PARD3B: variants seen among roughly 807,000 people sequenced by gnomAD.
PARD3B encodes the protein partitioning defective 3 homolog B.
In PARD3B, 103 loss-of-function variants were observed where a neutral mutation model predicts 130.2. The observed-to-expected ratio is 0.79, with a 90% CI of 0.67 to 0.93. PARD3B has a LOEUF of 0.93. Among genes scored for constraint, PARD3B ranks in the 40% least tolerant of loss-of-function variants. The pLI is 0.00. For missense variants in PARD3B, 1,609 were observed against 1,499.2 expected (o/e 1.07, Z -1.21); for synonymous variants, 583 against 553.2 (o/e 1.05, Z -0.76).
At chr2:205,031,622 T>C (rs1697430786) in intron 3 of PARD3B, among the ~76,000 whole-genome samples, 1 of 152,186 alleles carries the variant, frequency 6.6e-6, no homozygotes, top group Non-Finnish European at 1.5e-5. Context: ...GATTATGCTT[T>C]AATTCACTAT....
At chr2:205,400,443 C>G (rs762247086) in intron 18 of PARD3B, among the ~76,000 whole-genome samples, 1 of 152,048 alleles carries the variant, frequency 6.6e-6, no homozygotes, top group Non-Finnish European at 1.5e-5. Context: ...AAGTTCAAGA[C>G]CAGTCTCGCC....
intron 18 of PARD3B, among the ~76,000 whole-genome samples, chr2:205,379,175 G>C (rs181442726): frequency 3.4e-4 from 52 of 152,226 alleles, no homozygotes; most frequent in African/African-American, 1.2e-3. Context: ...GTTCTCAAAG[G>C]CTCCATAATT....
chr2:204,873,676 G>C (rs1374844461), intron 2 of PARD3B, among the ~76,000 whole-genome samples: 2 of 152,200 alleles, frequency 1.3e-5, no homozygotes, highest in Non-Finnish European at 2.9e-5. Context: ...GATGATGTGT[G>C]AGTAGCTAGA....
At chr2:204,730,019 A>G (rs1267255579) in intron 2 of PARD3B, among the ~76,000 whole-genome samples, 1 of 151,380 alleles carries the variant, frequency 6.6e-6, no homozygotes, top group Non-Finnish European at 1.5e-5. Flanking sequence ...ACACACACAC[A>G]CACACACACA....
At chr2:205,203,022 T>C (rs1293659561) in intron 15 of PARD3B, among the ~76,000 whole-genome samples, 2 of 152,156 alleles carry the variant, frequency 1.3e-5, no homozygotes, top group Non-Finnish European at 2.9e-5. Flanking sequence ...TCACTGAGTG[T>C]ATTTTCTCAA....
chr2:205,061,731 C>T (rs1291469002), intron 4 of PARD3B, among the ~76,000 whole-genome samples: 3 of 150,986 alleles, frequency 2.0e-5, no homozygotes, highest in Non-Finnish European at 4.4e-5. Context: ...ATTCCAAAGT[C>T]GAGCATTAAA....
At chr2:205,385,377 A>G (rs2105960227) in intron 18 of PARD3B, among the ~76,000 whole-genome samples, 1 of 152,280 alleles carries the variant, frequency 6.6e-6, no homozygotes, top group Non-Finnish European at 1.5e-5. Context: ...ATCTTAACAA[A>G]AACGTTTTAT....
At chr2:204,621,999 A>G (rs2034319015) in intron 1 of PARD3B, among the ~76,000 whole-genome samples, 1 of 152,100 alleles carries the variant, frequency 6.6e-6, no homozygotes, top group Non-Finnish European at 1.5e-5. Context: ...TAGGTCTAGT[A>G]TTTCTTTCAA....
At chr2:205,126,270 T>G (rs1234225560) in intron 10 of PARD3B, among the ~76,000 whole-genome samples, 1 of 152,110 alleles carries the variant, frequency 6.6e-6, no homozygotes, top group African/African-American at 2.4e-5. Flanking sequence ...ATGTATACCC[T>G]TAGACCTAGT....
intron 2 of PARD3B, among the ~76,000 whole-genome samples, chr2:204,785,950 T>A (rs2058987): frequency 6.6e-6 from 1 of 151,526 alleles, no homozygotes. Flanking sequence ...CCATCTCTAC[T>A]AAAAATACAA....
intron 21 of PARD3B, among the ~76,000 whole-genome samples, chr2:205,541,693 G>T (rs111517149): frequency 2.0e-4 from 30 of 150,934 alleles, no homozygotes; most frequent in African/African-American, 7.3e-4. Flanking sequence ...TTTTCCCTTC[G>T]TGGCAATGAG....
chr2:205,184,873 G>A (rs2036004865), intron 13 of PARD3B, among the ~76,000 whole-genome samples: 1 of 152,084 alleles, frequency 6.6e-6, no homozygotes, highest in East Asian at 1.9e-4. Context: ...CTGAGGCTTG[G>A]AGAAGTTGAG....
At chr2:205,252,114 T>G (rs1179250152) in intron 16 of PARD3B, among the ~76,000 whole-genome samples, 2 of 152,190 alleles carry the variant, frequency 1.3e-5, no homozygotes, top group African/African-American at 4.8e-5. Flanking sequence ...TAAACTGAAT[T>G]AGAAACAAAT....
At chr2:205,038,951 A>G (rs565628301) in intron 3 of PARD3B, among the ~76,000 whole-genome samples, 1 of 152,124 alleles carries the variant, frequency 6.6e-6, no homozygotes, top group African/African-American at 2.4e-5. Context: ...ATCTGAAAGC[A>G]TGTCCTAGCT....
intron 2 of PARD3B, among the ~76,000 whole-genome samples, chr2:204,821,220 G>T (rs1190540752): frequency 1.3e-5 from 2 of 152,094 alleles, no homozygotes; most frequent in Non-Finnish European, 2.9e-5. Context: ...GACTCATGGG[G>T]GCAGGTCTTT....
chr2:205,010,725 G>A (rs1377438512), intron 3 of PARD3B, among the ~76,000 whole-genome samples: 1 of 151,928 alleles, frequency 6.6e-6, no homozygotes, highest in Non-Finnish European at 1.5e-5. Context: ...TTACATTCCA[G>A]ACATGGATTT....
At chr2:204,999,683 G>A (rs1694662037) in intron 3 of PARD3B, among the ~76,000 whole-genome samples, 1 of 152,108 alleles carries the variant, frequency 6.6e-6, no homozygotes, top group African/African-American at 2.4e-5. Flanking sequence ...ATATTCACAA[G>A]GAGCCTATTG....
In PARD3B at chr2:205,125,671, C is replaced by G; in HGVS notation, c.1368C>G (p.Thr456=). Residue 456 remains threonine, a synonymous_variant, in exon 10 of 23, where the codon ACC becomes ACG. Coordinates refer to ENST00000406610, the MANE Select transcript of PARD3B (RefSeq NM_001302769.2). This position sits in a 1 kb window ranked among gnomAD's most constrained non-coding sequence, Gnocchi z 4.0. ...AGCTTGTGGCCATGCTCAGGAGCACCAAGCAGGGGGAGACAGCATCGCTGG... is the reference window on the plus strand; with the variant it reads ...AGCTTGTGGCCATGCTCAGGAGCACGAAGCAGGGGGAGACAGCATCGCTGG... The part of the protein sequence containing the change: ...QEELVAMLRS[T]KQGETASLVI... 1 of 1,614,076 alleles carries G rather than the reference C, an allele frequency of 6.2e-7. No individual in the cohort carries two copies. Among genetic ancestry groups the G allele is most frequent in the Non-Finnish European group, 8.5e-7 (1 of 1,180,012 alleles).
intron 20 of PARD3B, among the ~76,000 whole-genome samples, chr2:205,469,719 C>T (rs895907000): frequency 6.6e-6 from 1 of 152,250 alleles, no homozygotes; most frequent in Non-Finnish European, 1.5e-5. Context: ...CTAACCATTT[C>T]TACTGTTACA....
Sources: allele counts gnomAD v4.1 joint callset (sites outside exome capture counted in the v4.1 genomes callset), GRCh38; gene constraint gnomAD v4.1.1; non-coding constraint Gnocchi (gnomAD v3.1); transcripts MANE v1.5; gene names NCBI Gene and HGNC (gene_info 2026-07-23, HGNC 2026-07-21).